Variants in MDGA1 observed in about 807,000 individuals in gnomAD.
MDGA1 encodes MAM domain-containing glycosylphosphatidylinositol anchor protein 1.
MDGA1 carries 54 observed loss-of-function variants against 101.5 expected under a neutral mutation model. The ratio of observed to expected loss-of-function variants is 0.53; its 90% CI spans 0.43 to 0.67. The LOEUF is 0.67. Ranked by LOEUF, MDGA1 falls within the 30% of genes least tolerant of loss-of-function variation. The probability of loss-of-function intolerance (pLI) is 0.00; values close to 1 mark genes in which losing one functional copy is unlikely to be tolerated. For synonymous variants in MDGA1, 533 were observed against 558.3 expected, an observed-to-expected ratio of 0.95 and a Z score of 0.64; for missense variants, 1,083 against 1,323.8, an observed-to-expected ratio of 0.82 and a Z score of 2.82.
intron 3 of MDGA1, 50 bp downstream of exon 3, chr6:37,658,195 G>A (rs1761534751): frequency 1.3e-6 from 2 of 1,493,640 alleles, no homozygotes; most frequent in South Asian, 1.3e-5. Context: ...GGCGCCCTCT[G>A]GCCCGGGCTG....
chr6:37,673,566 C>G (rs1021342469), intron 1 of MDGA1, among the ~76,000 whole-genome samples: 5 of 152,218 alleles, frequency 3.3e-5, no homozygotes, highest in African/African-American at 1.2e-4. Flanking sequence ...TGTGAGCCAT[C>G]AAGCGTGGGC....
chr6:37,669,818 A>G (rs1761831889), intron 1 of MDGA1, among the ~76,000 whole-genome samples: 1 of 152,234 alleles, frequency 6.6e-6, no homozygotes. Context: ...TGTGCTGGGC[A>G]CTGGAGATAC....
intron 1 of MDGA1, among the ~76,000 whole-genome samples, chr6:37,676,574 G>A (rs144470321): frequency 2.5e-4 from 38 of 152,310 alleles, no homozygotes; most frequent in African/African-American, 8.9e-4. Context: ...TAGGTGGCAG[G>A]GGAGTCCTTT....
At chr6:37,690,844 C>T (rs998238353) in intron 1 of MDGA1, among the ~76,000 whole-genome samples, 1 of 152,006 alleles carries the variant, frequency 6.6e-6, no homozygotes, top group Admixed American at 6.6e-5. Context: ...TATGCTCCAG[C>T]CCAACTGAAC....
Position 37,655,589 on chromosome 6 carries a change from T to A in MDGA1, c.579+111A>T. Reference sequence around the variant, plus strand: ...CCAATCAGAATGTGTGTTTCCAAAGTAAGAATAGAATTGTTGAAGTCAAGG... The same window carrying A: ...CCAATCAGAATGTGTGTTTCCAAAGAAAGAATAGAATTGTTGAAGTCAAGG... On this transcript the variant is annotated intron_variant, in intron 4 of 16. Transcript: ENST00000434837. This position sits in a 1 kb window ranked among gnomAD's most constrained non-coding sequence, Gnocchi z 5.1. 1 of 793,362 alleles carries A rather than the reference T, an allele frequency of 1.3e-6. No homozygotes were observed. The highest frequency in any genetic ancestry group is 3.0e-5 in the Admixed American group (1 of 33,358). 49.1% of individuals were successfully genotyped at this position (793,362 alleles called of 1,614,324 possible).
rs1201190325 is a variant in MDGA1, at chr6:37,652,008, C to T, written c.1312+3G>A. Reference sequence around the variant, plus strand: ...TTTCCGCAGTGCCCCTCCAGCTGCCCACCTGTCTCAGAGGAGATGTTGACC... The same window carrying T: ...TTTCCGCAGTGCCCCTCCAGCTGCCTACCTGTCTCAGAGGAGATGTTGACC... On this transcript the variant is annotated splice_donor_region_variant and intron_variant, in intron 7 of 16. Coordinates refer to ENST00000434837, the MANE Select transcript of MDGA1 (RefSeq NM_153487.4). The surrounding 1 kb of genome is among the most constrained non-coding windows in gnomAD (Gnocchi z 4.3). The T allele has an allele frequency of 5.7e-6, 9 of 1,576,108 alleles. No individual in the cohort carries two copies. In the African/African-American group the frequency reaches 1.1e-4, roughly 19 times the overall value.
intron 7 of MDGA1, 93 bp from the exon 8 acceptor site, chr6:37,650,498 G>A (rs1313740762): frequency 1.5e-6 from 2 of 1,296,080 alleles, no homozygotes; most frequent in Admixed American, 3.0e-5. Context: ...CCTCCCGCTA[G>A]GGGCAAGCCT....
Position 37,643,878 on chromosome 6 carries a change from G to T in MDGA1, c.2467C>A (p.Pro823Thr), listed in dbSNP as rs1217548375. ...ELGDRARLVSPLYNASAKFYC... is the reference protein window; with the variant it reads ...ELGDRARLVSTLYNASAKFYC... ...AACTTGGCGCTGGCATTGTAGAGGG[G>T]ACTCACTAACCTTGCACGGTCCCCC... is the stretch of plus-strand genomic sequence containing the variant. The change falls in exon 14 of 17, where the codon CCC (proline) becomes ACC (threonine). Residue 823 changes from proline (P) to threonine (T), a missense_variant. Around this residue, in one of 3 missense-constraint regions of MDGA1, gnomAD observed 657 missense variants for 771.4 expected, o/e 0.85. Transcript: ENST00000434837. 9.9e-6 allele frequency: 16 copies of T among 1,613,842 alleles called. No individual in the cohort carries two copies. The highest frequency in any genetic ancestry group is 1.4e-5 in the Non-Finnish European group (16 of 1,179,888).
intron 11 of MDGA1, 23 bp downstream of exon 11, chr6:37,646,175 C>T (rs748516930): frequency 1.3e-6 from 2 of 1,561,956 alleles, no homozygotes; most frequent in Admixed American, 3.6e-5. Context: ...CCCATCCTTC[C>T]TACCGCCACC....
intron 1 of MDGA1, among the ~76,000 whole-genome samples, chr6:37,692,301 G>A (rs532552055): frequency 5.8e-4 from 88 of 152,268 alleles, no homozygotes; most frequent in Admixed American, 1.0e-3. Flanking sequence ...TCCGGAGGTG[G>A]GAGGTGAGGC....
intron 8 of MDGA1, among the ~76,000 whole-genome samples, chr6:37,649,656 C>T (rs1203611256): frequency 8.5e-5 from 13 of 152,156 alleles, no homozygotes; most frequent in Admixed American, 8.5e-4. Context: ...GTTACTCAAC[C>T]TCTCCGTGTC....
chr6:37,681,399 C>G (rs1250577098), intron 1 of MDGA1, among the ~76,000 whole-genome samples: 1 of 152,094 alleles, frequency 6.6e-6, no homozygotes, highest in Non-Finnish European at 1.5e-5. Flanking sequence ...GACTGATGAC[C>G]CAGGGTGCTG....
At chr6:37,677,548 G>A (rs947572849) in intron 1 of MDGA1, among the ~76,000 whole-genome samples, 2 of 152,188 alleles carry the variant, frequency 1.3e-5, no homozygotes, top group East Asian at 1.9e-4. Flanking sequence ...AGCAGGAGAC[G>A]TGTGTAGGAG....
chr6:37,641,203 G>A (rs1033208492), intron 14 of MDGA1, among the ~76,000 whole-genome samples: 1 of 152,172 alleles, frequency 6.6e-6, no homozygotes, highest in Non-Finnish European at 1.5e-5. Flanking sequence ...AACATTTGGT[G>A]GCTCTCTCCC....
At position 37,696,451 on chromosome 6, in the gene MDGA1, C is replaced by T. The variant is rs571987100; in HGVS notation, c.67+294G>A. The stretch of plus-strand genomic sequence containing the variant: ...TCCTAGACTGGGTCTGTCCGGGTCT[C>T]CCGAGCCGACCGGGTGCTCTCAAGG... On this transcript the variant is annotated intron_variant, in intron 1 of 16. Transcript: ENST00000434837. The surrounding 1 kb of genome is among the most constrained non-coding windows in gnomAD (Gnocchi z 5.6). 2.4e-4 allele frequency among the ~76,000 whole-genome samples: 37 copies of T among 152,190 alleles called. No individual in the cohort carries two copies. Among genetic ancestry groups the T allele is most frequent in the Non-Finnish European group, 4.4e-4 (30 of 68,036 alleles).
At chr6:37,676,404 GC>G (rs1485088933) in intron 1 of MDGA1, among the ~76,000 whole-genome samples, 1 of 152,226 alleles carries the variant, frequency 6.6e-6, no homozygotes, top group Non-Finnish European at 1.5e-5. Context: ...TCTCTCCAAG[GC>G]CCACAGAGCT....
intron 2 of MDGA1, among the ~76,000 whole-genome samples, chr6:37,660,861 T>C (rs1200904144): frequency 6.6e-6 from 1 of 152,214 alleles, no homozygotes; most frequent in East Asian, 1.9e-4. Context: ...CTTGGACTTT[T>C]ATGGTCCTGT....
intron 7 of MDGA1, among the ~76,000 whole-genome samples, chr6:37,651,251 C>T (rs1761352659): frequency 6.6e-6 from 1 of 152,216 alleles, no homozygotes; most frequent in South Asian, 2.1e-4. Flanking sequence ...TTCTTTTATT[C>T]ACGGCAGAAC....
intron 1 of MDGA1, among the ~76,000 whole-genome samples, chr6:37,666,768 G>T (rs1242486840): frequency 6.6e-6 from 1 of 152,222 alleles, no homozygotes; most frequent in East Asian, 1.9e-4. Flanking sequence ...AAGGCCCTGG[G>T]ATGTCAGAAA....
Sources: allele counts gnomAD v4.1 joint callset (sites outside exome capture counted in the v4.1 genomes callset), GRCh38; gene constraint gnomAD v4.1.1; regional missense constraint gnomAD v4.1.1; non-coding constraint Gnocchi (gnomAD v3.1); transcripts MANE v1.5; gene names NCBI Gene and HGNC (gene_info 2026-07-23, HGNC 2026-07-21).